Variants in TFDP2 observed in about 807,000 individuals in gnomAD.
TFDP2 encodes the protein transcription factor Dp-2 (E2F dimerization partner 2).
A neutral mutation model predicts 59.3 loss-of-function variants in TFDP2; 17 were observed. The ratio of observed to expected loss-of-function variants is 0.29; its 90% CI spans 0.20 to 0.43. The LOEUF is 0.43. Among genes scored for constraint, TFDP2 ranks in the 20% least tolerant of loss-of-function variants. TFDP2 has a pLI of 1.00. For synonymous variants in TFDP2, 180 were observed against 194.7 expected (o/e 0.92, Z 0.63); for missense variants, 391 against 528.8 (o/e 0.74, Z 2.56).
At chr3:142,090,564 T>A (rs965234784) in intron 3 of TFDP2, among the ~76,000 whole-genome samples, 51 of 146,524 alleles carry the variant, frequency 3.5e-4, no homozygotes, top group Non-Finnish European at 6.8e-4. Context: ...TTTCTTTCCT[T>A]TTTTTTTTTT....
rs1215983436 is a variant in TFDP2 at position 142,103,072 on chromosome 3, C to T, written c.-92-1231G>A. 1.2e-4 allele frequency among the ~76,000 whole-genome samples: 19 copies of T among 152,036 alleles called. 1 individual carries two copies. The highest frequency in any genetic ancestry group is 1.1e-3 in the Admixed American group (17 of 15,258). On this transcript the variant is annotated intron_variant, in intron 1 of 12. Transcript: ENST00000489671. ...CCAACATGGTGAAACCCCTTCTCTA[C>T]TAAAAATACAAAAAAATTAGCTGGG...
At chr3:142,142,498 A>C (rs868380252) in intron 1 of TFDP2, among the ~76,000 whole-genome samples, 1 of 152,342 alleles carries the variant, frequency 6.6e-6, no homozygotes, top group Middle Eastern at 3.4e-3. Flanking sequence ...GATTGAAAGA[A>C]TCAATATTGT....
In TFDP2 at chr3:141,995,085, T is replaced by G; in HGVS notation, c.243A>C (p.Pro81=). The change falls in exon 5 of 13, where the codon CCA becomes CCC. Residue 81 remains proline, a synonymous_variant. Coordinates refer to ENST00000489671, the MANE Select transcript of TFDP2 (RefSeq NM_001178139.2). The part of the protein sequence containing the change: ...TSSGSVLIGS[P]YTPAPAMVTQ... ...TAACCATTGCTGGTGCAGGGGTATATGGACTCCCAATCAGAACACTTCCTG... is the reference window on the plus strand; with the variant it reads ...TAACCATTGCTGGTGCAGGGGTATAGGGACTCCCAATCAGAACACTTCCTG... The G allele has an allele frequency of 6.2e-7, 1 of 1,611,912 alleles. No homozygotes were observed. The highest frequency in any genetic ancestry group is 8.5e-7 in the Non-Finnish European group (1 of 1,178,802).
chr3:141,992,169 G>C (rs1576610727), intron 6 of TFDP2, among the ~76,000 whole-genome samples: 1 of 151,958 alleles, frequency 6.6e-6, no homozygotes, highest in Middle Eastern at 3.4e-3. Flanking sequence ...TTTAGAACAA[G>C]GAATAAAGAA....
Position 141,945,069 on chromosome 3 carries a change from G to C in TFDP2, c.*7444C>G, listed in dbSNP as rs1222882274. The C allele has an allele frequency of 2.6e-5, 4 of 152,156 alleles. No homozygotes were observed. Among genetic ancestry groups the C allele is most frequent in the African/African-American group, 9.7e-5 (4 of 41,444 alleles). 9.4% of individuals were successfully genotyped at this position (152,156 alleles called of 1,614,324 possible). A position where few individuals can be genotyped will look rare whatever the true frequency, so the allele number is the denominator to read the frequency against. On this transcript the variant is annotated 3_prime_UTR_variant, in exon 13 of 13. Transcript: ENST00000489671. ...AATAAAACCCAATAGCACATAGTCA[G>C]AGTAAAGCATTTTCAGATGAAAAGG...
At chr3:142,095,203 T>C (rs2061124301) in intron 2 of TFDP2, among the ~76,000 whole-genome samples, 1 of 152,230 alleles carries the variant, frequency 6.6e-6, no homozygotes, top group Non-Finnish European at 1.5e-5. Flanking sequence ...TTGGTCAGGC[T>C]GGTCTCAAAC....
intron 7 of TFDP2, among the ~76,000 whole-genome samples, chr3:141,977,106 ATTTTTTTTTTT>A (rs66720095): frequency 1.0e-5 from 1 of 97,506 alleles, no homozygotes; most frequent in East Asian, 2.7e-4. Flanking sequence ...ATATATATAT[ATTTTTTTTTTT>A]TTTTTTTTTT....
intron 11 of TFDP2, among the ~76,000 whole-genome samples, chr3:141,953,739 G>A (rs1003039051): frequency 1.0e-4 from 15 of 150,084 alleles, no homozygotes; most frequent in Middle Eastern, 6.8e-3. Context: ...CGATTAACTC[G>A]TCATTTAGCA....
In TFDP2 at chr3:142,006,170, T is replaced by A. The variant is rs535745037; in HGVS notation, c.83-626A>T. On this transcript the variant is annotated intron_variant, in intron 3 of 12. Transcript: ENST00000489671. Reference sequence around the variant, plus strand: ...TAAATTTCAAATTAACATAGCAAACTGCTACCAAGAAAATTCCCCCCAAAA... The same window carrying A: ...TAAATTTCAAATTAACATAGCAAACAGCTACCAAGAAAATTCCCCCCAAAA... 2.0e-5 allele frequency among the ~76,000 whole-genome samples: 3 copies of A among 152,180 alleles called. No individual in the cohort carries two copies. In the South Asian group the frequency reaches 6.2e-4, roughly 31 times the overall value.
intron 3 of TFDP2, among the ~76,000 whole-genome samples, chr3:142,022,105 T>C (rs1945663685): frequency 1.3e-5 from 2 of 152,242 alleles, no homozygotes; most frequent in Admixed American, 1.3e-4. Context: ...GGAAGTTTAC[T>C]GTATGTCCTC....
chr3:142,012,633 A>G (rs1241639988), intron 3 of TFDP2, among the ~76,000 whole-genome samples: 4 of 152,194 alleles, frequency 2.6e-5, no homozygotes, highest in Admixed American at 2.6e-4. Flanking sequence ...AAAATGTCCT[A>G]TTATAAGAGA....
chr3:141,963,691 C>T (rs1937577225), intron 10 of TFDP2, 121 bp downstream of exon 10: 1 of 1,173,216 alleles, frequency 8.5e-7, no homozygotes, highest in Non-Finnish European at 1.2e-6. Flanking sequence ...GTTTCATGTG[C>T]CCCAAGGAAG....
rs74588555 is a variant in TFDP2 at position 142,032,463 on chromosome 3, C to T, written c.83-26919G>A. On this transcript the variant is annotated intron_variant, in intron 3 of 12. Transcript: ENST00000489671. ...GCTCTTTTCTTCAAGATCTACACTC[C>T]CACTCTAGAGGATGTGACCTATATT... 6.5e-3 allele frequency among the ~76,000 whole-genome samples: 995 copies of T among 152,246 alleles called. 11 individuals are homozygous for T. The highest frequency in any genetic ancestry group is 0.022 in the African/African-American group (916 of 41,522).
At chr3:141,952,861 ACAGT>A (rs770357428) in intron 12 of TFDP2, 46 bp downstream of exon 12, 10 of 1,579,418 alleles carry the variant, frequency 6.3e-6, no homozygotes, top group South Asian at 2.2e-5. Flanking sequence ...CCCTACACAG[ACAGT>A]CAGGGCTCTG....
At chr3:142,045,955 T>C (rs1947329578) in intron 3 of TFDP2, among the ~76,000 whole-genome samples, 1 of 152,184 alleles carries the variant, frequency 6.6e-6, no homozygotes, top group Non-Finnish European at 1.5e-5. Context: ...AAGCCAGACC[T>C]AGTATTGAGC....
At chr3:142,056,924 C>G (rs1464316073) in intron 3 of TFDP2, among the ~76,000 whole-genome samples, 1 of 152,184 alleles carries the variant, frequency 6.6e-6, no homozygotes, top group African/African-American at 2.4e-5. Flanking sequence ...TAAGCCACTC[C>G]CAGATTGCTG....
intron 10 of TFDP2, among the ~76,000 whole-genome samples, chr3:141,962,390 G>T (rs1937475611): frequency 6.6e-6 from 1 of 150,800 alleles, no homozygotes; most frequent in South Asian, 2.1e-4. Context: ...ACAGAGTCTT[G>T]CTCTGTCGTC....
intron 6 of TFDP2, among the ~76,000 whole-genome samples, chr3:141,992,495 A>C (rs1942880243): frequency 6.6e-6 from 1 of 152,252 alleles, no homozygotes; most frequent in African/African-American, 2.4e-5. Flanking sequence ...TTAAGGCCTT[A>C]AACATTGCTA....
chr3:142,039,661 G>C (rs796611186), intron 3 of TFDP2, among the ~76,000 whole-genome samples: 17 of 152,272 alleles, frequency 1.1e-4, no homozygotes, highest in African/African-American at 4.1e-4. Flanking sequence ...GGGTTCAAAT[G>C]AACAGGGACT....
Sources: gnomAD v4.1 joint callset for allele counts (sites outside exome capture counted in the v4.1 genomes callset) on GRCh38, gnomAD v4.1.1 for gene constraint, MANE v1.5 for transcripts, NCBI Gene and HGNC (gene_info 2026-07-23, HGNC 2026-07-21) for gene names.